CHRNE: variants seen among roughly 807,000 people sequenced by gnomAD.
The protein encoded by CHRNE is acetylcholine receptor subunit epsilon.
In CHRNE, 58 loss-of-function variants were observed where a neutral mutation model predicts 56.5. The observed-to-expected ratio is 1.03, with a 90% CI of 0.83 to 1.28. The LOEUF (loss-of-function observed/expected upper bound fraction) is 1.28. Among genes scored for constraint, CHRNE ranks in the 50% most tolerant of loss-of-function variants. The probability of loss-of-function intolerance (pLI) is 0.00; values close to 1 mark genes in which losing one functional copy is unlikely to be tolerated. For missense variants in CHRNE, 793 were observed against 688.9 expected (o/e 1.15, Z -1.69); for synonymous variants, 385 against 297.9 (o/e 1.29, Z -3.01).
Position 4,899,511 on chromosome 17 carries a change from TG to T in CHRNE, c.988del (p.Gln330SerfsTer55). 1 of 1,603,944 alleles carries T rather than the reference TG, an allele frequency of 6.2e-7. No homozygotes were observed. Among genetic ancestry groups the T allele is most frequent in the East Asian group, 2.2e-5 (1 of 44,588 alleles). ...MNCVIVLNVSQRTPTTHAMSP... is the reference protein window; with the variant it reads ...MNCVIVLNVSXRTPTTHAMSP... Reference sequence around the variant, plus strand: ...CATGGCGTGGGTGGTGGGCGTCCGCTGGGACACGTTGAGCACGATGACGCAA... The same window carrying T: ...CATGGCGTGGGTGGTGGGCGTCCGCTGGACACGTTGAGCACGATGACGCAA... On this transcript the variant is annotated frameshift_variant, in exon 9 of 12. Transcript: ENST00000649488. LOFTEE classifies it high-confidence loss of function.
At chr17:4,905,296 C>T (rs1970077216), upstream of CHRNE, among the ~76,000 whole-genome samples, 1 of 152,156 alleles carries the variant, frequency 6.6e-6, no homozygotes, top group African/African-American at 2.4e-5. Flanking sequence ...TGCCTGTAAT[C>T]CTAACTATTT....
rs768177094 is a variant in CHRNE, at chr17:4,900,923, G to C, written c.803-16C>G. 1 of 1,614,144 alleles carries C rather than the reference G, an allele frequency of 6.2e-7. No homozygotes were observed. The highest frequency in any genetic ancestry group is 1.1e-5 in the South Asian group (1 of 91,090). Reference sequence around the variant, plus strand: ...TGGCCGCCGGCTGGAGGGAGAGCCAGTGAGAGCGGGCCCCGCCTCCCGGGA... The same window carrying C: ...TGGCCGCCGGCTGGAGGGAGAGCCACTGAGAGCGGGCCCCGCCTCCCGGGA... On this transcript the variant is annotated splice_polypyrimidine_tract_variant and intron_variant, in intron 7 of 11. Transcript: ENST00000649488.
At position 4,902,670 on chromosome 17, in the gene CHRNE, T is replaced by A. The variant is rs753272609; in HGVS notation, c.140A>T (p.Asp47Val). 2 of 1,613,806 alleles carry A rather than the reference T, an allele frequency of 1.2e-6. No individual in the cohort carries two copies. Among genetic ancestry groups the A allele is most frequent in the East Asian group, 2.2e-5 (1 of 44,822 alleles). The change falls in exon 2 of 12, where the codon GAT becomes GTT. Residue 47 changes from aspartate (D) to valine (V), a missense_variant. Physicochemically the swap from Asp to Val is radical, Grantham distance 152. Coordinates refer to ENST00000649488, the MANE Select transcript of CHRNE (RefSeq NM_000080.4). The surrounding 1 kb of genome is among the most constrained non-coding windows in gnomAD (Gnocchi z 4.0). ...GACCTTGAGGCTGATGGTGACAGTA[T>A]CCTCAGGCTCCCGCACTGGCCGGCT... Reference protein sequence around the residue: ...PGSRPVREPEDTVTISLKVTL... With the variant: ...PGSRPVREPEVTVTISLKVTL...
chr17:4,900,027 C>T lies in CHRNE; in HGVS notation c.918-445G>A, dbSNP rs779635544. ...GAGCAGAGGTTCAGAGAGCTGAAGT[C>T]CCTGGAGCCACCCGAACCGAAGATG... On this transcript the variant is annotated intron_variant, in intron 8 of 11. Transcript: ENST00000649488. 9.8e-5 allele frequency: 152 copies of T among 1,551,502 alleles called. No individual in the cohort carries two copies. The African/African-American group carries it at 1.5e-3, about 15-fold the overall frequency.
intron 8 of CHRNE, 44 bp from the exon 9 acceptor site, chr17:4,899,626 C>G: frequency 3.3e-6 from 5 of 1,493,314 alleles, no homozygotes; most frequent in Non-Finnish European, 3.7e-6. Context: ...CTCCTCCCAG[C>G]TACCGAAGGC....
At position 4,901,077 on chromosome 17, in the gene CHRNE, T is replaced by C. The variant is rs746993242; in HGVS notation, c.715A>G (p.Lys239Glu). 1 of 1,613,792 alleles carries C rather than the reference T, an allele frequency of 6.2e-7. No homozygotes were observed. Among genetic ancestry groups the C allele is most frequent in the East Asian group, 2.2e-5 (1 of 44,876 alleles). Residue 239 changes from lysine to glutamate, a missense_variant, in exon 7 of 12, where the codon AAG (lysine) becomes GAG (glutamate). Coordinates refer to ENST00000649488, the MANE Select transcript of CHRNE (RefSeq NM_000080.4). Reference protein sequence around the residue: ...DVIYSLIIRRKPLFYVINIIV... With the variant: ...DVIYSLIIRREPLFYVINIIV... ...ATGTTAATGACGTAGAAGAGCGGCT[T>C]CCGGCGGATGATGAGCGAGTAGATG...
chr17:4,898,408 T>C lies in CHRNE; in HGVS notation c.*328A>G, dbSNP rs1037177146. On this transcript the variant is annotated 3_prime_UTR_variant, in exon 12 of 12. Coordinates refer to ENST00000649488, the MANE Select transcript of CHRNE (RefSeq NM_000080.4). ...TGTTTGGCTATGAAATGAATATAGA[T>C]AGATAGCTCACAAGCTGGCAGCCAC... The C allele has an allele frequency of 9.5e-6, 4 of 419,514 alleles. No individual in the cohort carries two copies. The highest frequency in any genetic ancestry group is 3.5e-5 in the Admixed American group (1 of 28,240). 26.0% of individuals were successfully genotyped at this position (419,514 alleles called of 1,614,324 possible).
intron 8 of CHRNE, chr17:4,900,551 G>T: frequency 6.4e-7 from 1 of 1,550,436 alleles, no homozygotes; most frequent in Non-Finnish European, 8.7e-7. Flanking sequence ...AGGCGGCGGG[G>T]CTAGGGAGGC....
At chr17:4,900,367 C>G (rs1331313418) in intron 8 of CHRNE, 1 of 1,549,128 alleles carries the variant, frequency 6.5e-7, no homozygotes, top group Non-Finnish European at 8.7e-7. Context: ...GTTCGGCAAG[C>G]TGGGGCTGCG....
chr17:4,899,672 G>T, intron 8 of CHRNE, 90 bp from the exon 9 acceptor site: 1 of 1,442,100 alleles, frequency 6.9e-7, no homozygotes, highest in South Asian at 1.2e-5. Context: ...GCTTCTCCTG[G>T]TACGGGCTGG....
Position 4,902,557 on chromosome 17 carries a change from A to G in CHRNE, c.190-63T>C. On this transcript the variant is annotated intron_variant, in intron 2 of 11. Transcript: ENST00000649488. This position sits in a 1 kb window ranked among gnomAD's most constrained non-coding sequence, Gnocchi z 4.0. ...CAGGGCCAGAAGTGAGCTTTAGGAC[A>G]GAGCTCAGCGGTTGGGGCCAGAAGT... is the stretch of plus-strand genomic sequence containing the variant. The G allele has an allele frequency of 6.2e-7, 1 of 1,613,578 alleles. No homozygotes were observed.
Position 4,898,587 on chromosome 17 carries a change from A to C in CHRNE, c.*149T>G. The stretch of plus-strand genomic sequence containing the variant: ...GACTGCGGCCAGGCCTACACACGCC[A>C]GGGAACGGGCACACACCATTCTTGT... On this transcript the variant is annotated 3_prime_UTR_variant, in exon 12 of 12. Transcript: ENST00000649488. The C allele has an allele frequency of 9.0e-7, 1 of 1,105,666 alleles. No homozygotes were observed. The highest frequency in any genetic ancestry group is 1.3e-6 in the Non-Finnish European group (1 of 765,928). The allele number at this position is 1,105,666 out of a possible 1,614,324, so 68.5% of individuals were successfully genotyped here. A position where few individuals can be genotyped will look rare whatever the true frequency, so the allele number is the denominator to read the frequency against.
upstream of CHRNE, among the ~76,000 whole-genome samples, chr17:4,907,672 G>A (rs977806030): frequency 2.0e-5 from 3 of 151,720 alleles, no homozygotes; most frequent in African/African-American, 7.3e-5. Flanking sequence ...CAAATGATGG[G>A]CTAAATCCTC....
At chr17:4,899,902 G>A in intron 8 of CHRNE, 1 of 1,549,080 alleles carries the variant, frequency 6.5e-7, no homozygotes, top group Non-Finnish European at 8.7e-7. Flanking sequence ...TGTGACCCCT[G>A]CCCTGCTACT....
At chr17:4,900,755 TC>T in intron 8 of CHRNE, 37 bp downstream of exon 8, 1 of 1,589,208 alleles carries the variant, frequency 6.3e-7, no homozygotes, top group Non-Finnish European at 8.6e-7. Flanking sequence ...CCCCCACCCT[TC>T]ACACTGGCCA....
Position 4,900,220 on chromosome 17 carries a change from C to T in CHRNE, c.917+573G>A, listed in dbSNP as rs758181895. On this transcript the variant is annotated intron_variant, in intron 8 of 11. Transcript: ENST00000649488. ...AGGACCTCTGCCTCCCCGCTAACCC[C>T]TGTGCCCCCAATGCAGATCTCAGCC... 1.6e-5 allele frequency: 24 copies of T among 1,546,056 alleles called. No homozygotes were observed. In the South Asian group the frequency reaches 2.5e-4, roughly 16 times the overall value.
In CHRNE at chr17:4,902,813, C is replaced by T. The variant is rs747145167; in HGVS notation, c.47-50G>A. Reference sequence around the variant, plus strand: ...GTCATTGGCAATGAAGAGGCTGGAGCACCTCTCTCCCCTCTGCCTCCCCTG... The same window carrying T: ...GTCATTGGCAATGAAGAGGCTGGAGTACCTCTCTCCCCTCTGCCTCCCCTG... On this transcript the variant is annotated intron_variant, in intron 1 of 11. Coordinates refer to ENST00000649488, the MANE Select transcript of CHRNE (RefSeq NM_000080.4). This position sits in a 1 kb window ranked among gnomAD's most constrained non-coding sequence, Gnocchi z 4.0. 6 of 1,613,024 alleles carry T rather than the reference C, an allele frequency of 3.7e-6. No individual in the cohort carries two copies. Among genetic ancestry groups the T allele is most frequent in the Non-Finnish European group, 5.1e-6 (6 of 1,179,500 alleles).
chr17:4,900,506 G>T (rs1286932595), intron 8 of CHRNE: 1 of 1,550,794 alleles, frequency 6.4e-7, no homozygotes, highest in Admixed American at 2.0e-5. Flanking sequence ...CCGGAGAACC[G>T]GTGAGCTCAG....
At chr17:4,901,231 GCGCC>G (rs778873861) in intron 6 of CHRNE, 41 bp from the exon 7 acceptor site, 1 of 1,586,990 alleles carries the variant, frequency 6.3e-7, no homozygotes, top group South Asian at 1.1e-5. Flanking sequence ...TCAGAGCGGG[GCGCC>G]CGCCGAGCTG....
Sources: gnomAD v4.1 joint callset for allele counts (sites outside exome capture counted in the v4.1 genomes callset) on GRCh38, gnomAD v4.1.1 for gene constraint, Gnocchi (gnomAD v3.1) non-coding constraint, MANE v1.5 for transcripts, NCBI Gene and HGNC (gene_info 2026-07-23, HGNC 2026-07-21) for gene names.